Variants in ROR1 observed in about 807,000 individuals in gnomAD.
ROR1 encodes inactive tyrosine-protein kinase transmembrane receptor ROR1.
Under a neutral mutation model 78.8 loss-of-function variants are expected in ROR1, and 19 were observed. The ratio of observed to expected loss-of-function variants is 0.24; its 90% CI spans 0.17 to 0.35. The LOEUF (loss-of-function observed/expected upper bound fraction) is 0.35, where lower values mean the gene tolerates loss of function less well. Ranked by LOEUF, ROR1 falls within the 10% of genes least tolerant of loss-of-function variation. The pLI, the probability that ROR1 is intolerant of heterozygous loss-of-function variation, is 1.00. For missense variants in ROR1, 917 were observed against 1,177.8 expected (o/e 0.78, Z 3.24); for synonymous variants, 386 against 433.6 (o/e 0.89, Z 1.36).
intron 4 of ROR1, among the ~76,000 whole-genome samples, chr1:64,068,474 T>A (rs956843458): frequency 1.3e-5 from 2 of 152,214 alleles, no homozygotes; most frequent in Non-Finnish European, 2.9e-5. Flanking sequence ...GAATATAAGA[T>A]CATTAAATCC....
chr1:64,047,033 T>A (rs1032671157), intron 2 of ROR1, among the ~76,000 whole-genome samples: 2 of 152,218 alleles, frequency 1.3e-5, no homozygotes, highest in African/African-American at 4.8e-5. Flanking sequence ...CTTTAGGTGC[T>A]TGGCTGAGCC....
intron 4 of ROR1, among the ~76,000 whole-genome samples, chr1:64,072,340 T>C (rs1647010694): frequency 6.6e-6 from 1 of 152,082 alleles, no homozygotes; most frequent in South Asian, 2.1e-4. Flanking sequence ...CAGAGCCTCT[T>C]TGAGGGCTCT....
At chr1:64,002,548 G>A (rs1646393887) in intron 1 of ROR1, among the ~76,000 whole-genome samples, 1 of 152,194 alleles carries the variant, frequency 6.6e-6, no homozygotes, top group South Asian at 2.1e-4. Context: ...TAGTTTTAAA[G>A]TAATATAGTT....
chr1:64,177,119 T>C (rs1650403552), intron 8 of ROR1, among the ~76,000 whole-genome samples: 1 of 152,204 alleles, frequency 6.6e-6, no homozygotes, highest in African/African-American at 2.4e-5. Context: ...AGAGTCTGCA[T>C]TTGCAGTAAG....
chr1:64,120,527 A>C (rs1184303088), intron 4 of ROR1, among the ~76,000 whole-genome samples: 1 of 151,990 alleles, frequency 6.6e-6, no homozygotes, highest in Non-Finnish European at 1.5e-5. Context: ...TTTGGTACTA[A>C]GTCTTTGAAA....
At chr1:64,121,059 C>CTTTTTTTTTTTTTTTTTTTTTTTTTTT (rs200292093) in intron 4 of ROR1, among the ~76,000 whole-genome samples, 1 of 82,026 alleles carries the variant, frequency 1.2e-5, no homozygotes, top group African/African-American at 6.4e-5. Context: ...GGAGATACCC[C>CTTTTTTTTTTTTTTTTTTTTTTTTTTT]TTTTTTTTTT....
chr1:64,107,739 A>G (rs1283327812), intron 4 of ROR1, among the ~76,000 whole-genome samples: 1 of 152,084 alleles, frequency 6.6e-6, no homozygotes, highest in African/African-American at 2.4e-5. Context: ...GCTGATTACA[A>G]TAACCCCTAT....
intron 4 of ROR1, among the ~76,000 whole-genome samples, chr1:64,093,036 GAGCTGTCCTCTGTTGA>G (rs1647215614): frequency 1.3e-5 from 2 of 152,168 alleles, no homozygotes; most frequent in African/African-American, 4.8e-5. Context: ...TTGGGCTCTT[GAGCTGTCCTCTGTTGA>G]AGCCGGGAAA....
At chr1:64,118,755 A>G (rs1648415221) in intron 4 of ROR1, among the ~76,000 whole-genome samples, 1 of 152,154 alleles carries the variant, frequency 6.6e-6, no homozygotes, top group Non-Finnish European at 1.5e-5. Context: ...CAGAGTTAAC[A>G]ACACCCAGTT....
intron 1 of ROR1, among the ~76,000 whole-genome samples, chr1:63,851,274 G>A (rs187837961): frequency 5.3e-5 from 8 of 152,248 alleles, no homozygotes; most frequent in East Asian, 1.9e-4. Flanking sequence ...CACTGCGCCC[G>A]GCCGCTTTTT....
Position 64,118,520 on chromosome 1 carries a change from C to T in ROR1, c.483-18849C>T, listed in dbSNP as rs552874666. 4.0e-5 allele frequency among the ~76,000 whole-genome samples: 6 copies of T among 150,174 alleles called. No homozygotes were observed. The South Asian group carries it at 1.1e-3, about 27-fold the overall frequency. ...TGCATGCCTGTAATCCCAGCTACTC[C>T]GGAGGCTGAGTCAGGAGAATTGCTT... On this transcript the variant is annotated intron_variant, in intron 4 of 8. Coordinates refer to ENST00000371079, the MANE Select transcript of ROR1 (RefSeq NM_005012.4).
At position 64,140,239 on chromosome 1, in the gene ROR1, G is replaced by A. The variant is rs1649259243; in HGVS notation, c.741G>A (p.Leu247=). 1.2e-6 allele frequency: 2 copies of A among 1,614,124 alleles called. No individual in the cohort carries two copies. Among genetic ancestry groups the A allele is most frequent in the Admixed American group, 3.3e-5 (2 of 60,016 alleles). The change falls in exon 6 of 9, where the codon TTG becomes TTA. Residue 247 remains leucine (L), a synonymous_variant. Transcript: ENST00000371079. ...CATCCGTCCCAAAGCCCCGTGACTT[G>A]TGTCGCGATGAATGTGAAATCCTGG... ...ETSSVPKPRD[L]CRDECEILEN... is the part of the protein sequence containing the mutation.
chr1:63,957,637 AGTCT>A (rs1457322347), intron 1 of ROR1, among the ~76,000 whole-genome samples: 1 of 152,152 alleles, frequency 6.6e-6, no homozygotes, highest in African/African-American at 2.4e-5. Context: ...GAAGTCTGTC[AGTCT>A]GTCTGTCAGT....
intron 1 of ROR1, among the ~76,000 whole-genome samples, chr1:63,876,645 GGTGT>G (rs367954652): frequency 0.02 from 2,555 of 130,594 alleles, 53 homozygotes; most frequent in African/African-American, 0.065. Context: ...CCACGAAAGG[GGTGT>G]GTGTGTGTGT....
chr1:63,878,547 C>T (rs1188638017), intron 1 of ROR1, among the ~76,000 whole-genome samples: 1 of 151,896 alleles, frequency 6.6e-6, no homozygotes, highest in Non-Finnish European at 1.5e-5. Flanking sequence ...GTTTAAAACT[C>T]CTTCACGGCT....
At chr1:63,809,607 G>A (rs1045840253) in intron 1 of ROR1, among the ~76,000 whole-genome samples, 5 of 152,138 alleles carry the variant, frequency 3.3e-5, no homozygotes, top group Non-Finnish European at 5.9e-5. Flanking sequence ...AAACGTGAAT[G>A]TACTTCCAAT....
rs143325862 is a variant in ROR1, at chr1:63,890,935, G to A, written c.91+116427G>A. ...TATCATTTATCACCCAAAATATAGT[G>A]TATGACAAGGAGCTCAAAACTTATT... On this transcript the variant is annotated intron_variant, in intron 1 of 8. Transcript: ENST00000371079. 2.0e-3 allele frequency among the ~76,000 whole-genome samples: 305 copies of A among 152,178 alleles called. 2 individuals are homozygous for A. The highest frequency in any genetic ancestry group is 2.6e-3 in the Non-Finnish European group (177 of 68,012).
At chr1:63,788,450 CT>C (rs1389650421) in intron 1 of ROR1, among the ~76,000 whole-genome samples, 1 of 152,036 alleles carries the variant, frequency 6.6e-6, no homozygotes, top group Non-Finnish European at 1.5e-5. Context: ...GTGCAAATCA[CT>C]AAAACGTGTT....
At chr1:63,801,429 G>A (rs1004820487) in intron 1 of ROR1, among the ~76,000 whole-genome samples, 3 of 151,964 alleles carry the variant, frequency 2.0e-5, no homozygotes, top group African/African-American at 7.3e-5. Flanking sequence ...TGAGTAGCTT[G>A]GATTACAGGC....
Sources: allele counts gnomAD v4.1 joint callset (sites outside exome capture counted in the v4.1 genomes callset), GRCh38; gene constraint gnomAD v4.1.1; transcripts MANE v1.5; gene names NCBI Gene and HGNC (gene_info 2026-07-23, HGNC 2026-07-21).